SRPK1: variants seen among roughly 807,000 people sequenced by gnomAD.
The protein encoded by SRPK1 is SRSF protein kinase 1, also known as SFRS protein kinase 1.
A neutral mutation model predicts 89.5 loss-of-function variants in SRPK1; 52 were observed. That is an observed-to-expected ratio of 0.58 (90% confidence interval 0.46 to 0.73). SRPK1 has a LOEUF of 0.73. Ranked by LOEUF, SRPK1 falls within the 30% of genes least tolerant of loss-of-function variation. SRPK1 has a pLI of 0.00. For synonymous variants in SRPK1, 255 were observed against 270.2 expected (o/e 0.94, Z 0.55); for missense variants, 603 against 780.6 (o/e 0.77, Z 2.71).
At chr6:35,881,998 AT>A (rs1328176267) in intron 6 of SRPK1, among the ~76,000 whole-genome samples, 2 of 150,384 alleles carry the variant, frequency 1.3e-5, no homozygotes, top group Non-Finnish European at 3.0e-5. Context: ...TGTTATGTGT[AT>A]TTTACCACAA....
intron 13 of SRPK1, among the ~76,000 whole-genome samples, chr6:35,843,263 C>T (rs757676350): frequency 4.7e-5 from 7 of 149,648 alleles, no homozygotes; most frequent in Non-Finnish European, 8.9e-5. Flanking sequence ...CCACCACGCC[C>T]AGCCCAGGTC....
intron 13 of SRPK1, among the ~76,000 whole-genome samples, chr6:35,856,319 CTA>C (rs1769665509): frequency 6.6e-6 from 1 of 151,738 alleles, no homozygotes; most frequent in African/African-American, 2.4e-5. Flanking sequence ...AGACTTTCCC[CTA>C]TGTGTCCTGA....
intron 6 of SRPK1, among the ~76,000 whole-genome samples, 181 bp downstream of exon 6, chr6:35,886,543 G>GA (rs1770413399): frequency 6.6e-6 from 1 of 152,150 alleles, no homozygotes; most frequent in Admixed American, 6.5e-5. Context: ...GCAATATTCT[G>GA]AAAAATCACA....
intron 6 of SRPK1, among the ~76,000 whole-genome samples, chr6:35,881,426 CATATAGATATAGATATAG>C (rs56083624): frequency 0.044 from 6,433 of 147,170 alleles, 398 homozygotes; most frequent in African/African-American, 0.14. Flanking sequence ...GTAGAATACA[CATATAGATATAGATATAG>C]ATATAGATAT....
intron 13 of SRPK1, among the ~76,000 whole-genome samples, chr6:35,851,334 C>T (rs1313565529): frequency 6.6e-6 from 1 of 151,932 alleles, no homozygotes; most frequent in South Asian, 2.1e-4. Context: ...GCCACCACCC[C>T]AGCTAACTTT....
Position 35,833,573 on chromosome 6 carries a change from G to A in SRPK1, c.*1731C>T, listed in dbSNP as rs947714413. ...CAATCTATTCTCTTGATTCTTGATA[G>A]GTGCATAGAAAGCCTAACTTAAAAT... is the stretch of plus-strand genomic sequence containing the variant. On this transcript the variant is annotated 3_prime_UTR_variant, in exon 16 of 16. Coordinates refer to ENST00000373825, the MANE Select transcript of SRPK1 (RefSeq NM_003137.5). The A allele has an allele frequency of 2.6e-5, 4 of 152,588 alleles. No individual in the cohort carries two copies. Among genetic ancestry groups the A allele is most frequent in the Non-Finnish European group, 5.9e-5 (4 of 68,038 alleles). 9.5% of individuals were successfully genotyped at this position (152,588 alleles called of 1,614,324 possible).
At chr6:35,880,217 C>A (rs775935605) in intron 6 of SRPK1, among the ~76,000 whole-genome samples, 5 of 149,504 alleles carry the variant, frequency 3.3e-5, no homozygotes, top group Admixed American at 3.3e-4. Context: ...CTGAAAAGTA[C>A]AATAACCAAA....
At chr6:35,850,692 T>G (rs906466884) in intron 13 of SRPK1, among the ~76,000 whole-genome samples, 1 of 152,166 alleles carries the variant, frequency 6.6e-6, no homozygotes, top group Non-Finnish European at 1.5e-5. Context: ...ACATATCCCT[T>G]TCCTATTTAA....
chr6:35,868,217 CAT>C (rs1465688700), intron 12 of SRPK1, among the ~76,000 whole-genome samples: 2 of 152,098 alleles, frequency 1.3e-5, no homozygotes, highest in Non-Finnish European at 2.9e-5. Context: ...CAGGTGATCT[CAT>C]GTGATCCGCC....
intron 2 of SRPK1, among the ~76,000 whole-genome samples, chr6:35,895,324 C>A (rs1770606975): frequency 6.6e-6 from 1 of 152,000 alleles, no homozygotes; most frequent in African/African-American, 2.4e-5. Flanking sequence ...ACTGTAAAGA[C>A]AGAATTTAGG....
chr6:35,866,820 A>T (rs549471045), intron 12 of SRPK1, among the ~76,000 whole-genome samples: 2 of 152,324 alleles, frequency 1.3e-5, no homozygotes, highest in African/African-American at 4.8e-5. Flanking sequence ...GAATGAACAC[A>T]ATACTATTCA....
At chr6:35,860,853 G>C (rs542831956) in intron 12 of SRPK1, among the ~76,000 whole-genome samples, 1 of 152,104 alleles carries the variant, frequency 6.6e-6, no homozygotes, top group Non-Finnish European at 1.5e-5. Flanking sequence ...AATTACATTA[G>C]GTGTTCAGGG....
intron 2 of SRPK1, among the ~76,000 whole-genome samples, chr6:35,892,668 C>T (rs1184136277): frequency 7.2e-6 from 1 of 138,386 alleles, no homozygotes; most frequent in Non-Finnish European, 1.6e-5. Flanking sequence ...ACAACAACAA[C>T]AACAACAACA....
At chr6:35,845,770 C>T (rs191380759) in intron 13 of SRPK1, among the ~76,000 whole-genome samples, 2 of 152,318 alleles carry the variant, frequency 1.3e-5, no homozygotes, top group East Asian at 3.9e-4. Context: ...TATCAATGGG[C>T]TGGCCAATGG....
At chr6:35,858,471 T>A (rs1023101342) in intron 12 of SRPK1, among the ~76,000 whole-genome samples, 1 of 137,084 alleles carries the variant, frequency 7.3e-6, no homozygotes, top group Non-Finnish European at 1.6e-5. Context: ...CTTACAGACT[T>A]CCACTGGGGG....
At chr6:35,872,779 GGA>G in intron 7 of SRPK1, 51 bp from the exon 8 acceptor site, 1 of 1,473,688 alleles carries the variant, frequency 6.8e-7, no homozygotes, top group Non-Finnish European at 9.1e-7. Flanking sequence ...CAGGCTTTCT[GGA>G]GAAGTAAGAG....
intron 9 of SRPK1, 34 bp from the exon 10 acceptor site, chr6:35,870,528 G>C: frequency 1.3e-6 from 2 of 1,523,908 alleles, no homozygotes; most frequent in Non-Finnish European, 1.8e-6. Flanking sequence ...AAAGCCTTCA[G>C]GTGGCTAATT....
At chr6:35,911,412 A>G (rs1294948614) in intron 2 of SRPK1, among the ~76,000 whole-genome samples, 1 of 151,984 alleles carries the variant, frequency 6.6e-6, no homozygotes, top group East Asian at 2.0e-4. Flanking sequence ...GCTGCTTCTT[A>G]TGATGAGAAA....
At chr6:35,845,170 G>C (rs906913362) in intron 13 of SRPK1, among the ~76,000 whole-genome samples, 1 of 152,196 alleles carries the variant, frequency 6.6e-6, no homozygotes, top group African/African-American at 2.4e-5. Context: ...AGGAGTTTTA[G>C]AGCAGTGAAA....
Sources: allele counts gnomAD v4.1 joint callset (sites outside exome capture counted in the v4.1 genomes callset), GRCh38; gene constraint gnomAD v4.1.1; transcripts MANE v1.5; gene names NCBI Gene and HGNC (gene_info 2026-07-23, HGNC 2026-07-21).